ARB2A: variants seen among roughly 807,000 people sequenced by gnomAD.
ARB2A encodes the protein ARB2 cotranscriptional regulator A.
the ARB2A span, among the ~76,000 whole-genome samples, chr5:93,828,134 C>T: frequency 6.6e-6 from 1 of 152,050 alleles, no homozygotes; most frequent in Non-Finnish European, 1.5e-5. Context: ...TGAAGAAAGT[C>T]ATTGGTAGCT....
chr5:93,919,004 C>A, the ARB2A span, among the ~76,000 whole-genome samples: 2 of 152,240 alleles, frequency 1.3e-5, no homozygotes, highest in African/African-American at 4.8e-5. Flanking sequence ...TACAATCACC[C>A]GTAAAACATT....
chr5:93,909,028 A>G, the ARB2A span, among the ~76,000 whole-genome samples: 1 of 151,048 alleles, frequency 6.6e-6, no homozygotes, highest in Admixed American at 6.6e-5. Context: ...AAATAACAAA[A>G]GCTTTTTGAA....
chr5:93,718,159 C>T, the ARB2A span, among the ~76,000 whole-genome samples: 2 of 151,844 alleles, frequency 1.3e-5, no homozygotes, highest in African/African-American at 2.4e-5. Context: ...GAGTATGACT[C>T]GGCTGGGCGC....
At chr5:93,640,297 A>G in the ARB2A span, among the ~76,000 whole-genome samples, 1 of 150,612 alleles carries the variant, frequency 6.6e-6, no homozygotes, top group Non-Finnish European at 1.5e-5. Context: ...AAAAATACAA[A>G]AAGTAGCTGG....
chr5:94,041,474 T>G, the ARB2A span, among the ~76,000 whole-genome samples: 24 of 152,188 alleles, frequency 1.6e-4, no homozygotes, highest in African/African-American at 5.8e-4. Flanking sequence ...TATTTATATG[T>G]GTTGTGTGTG....
chr5:93,662,618 A>C, the ARB2A span, among the ~76,000 whole-genome samples: 1 of 152,200 alleles, frequency 6.6e-6, no homozygotes, highest in Admixed American at 6.5e-5. Flanking sequence ...ACCAATGTAC[A>C]AACAGAATTA....
At chr5:93,905,332 C>A in the ARB2A span, among the ~76,000 whole-genome samples, 1 of 151,558 alleles carries the variant, frequency 6.6e-6, no homozygotes, top group Non-Finnish European at 1.5e-5. Flanking sequence ...GATTCCCAGT[C>A]TCTATTAATT....
chr5:93,948,227 T>C, the ARB2A span, among the ~76,000 whole-genome samples: 23 of 152,230 alleles, frequency 1.5e-4, no homozygotes, highest in Non-Finnish European at 3.1e-4. Flanking sequence ...AGATGGTATC[T>C]CATTGTGGTT....
At chr5:93,843,280 T>C in the ARB2A span, among the ~76,000 whole-genome samples, 4 of 152,094 alleles carry the variant, frequency 2.6e-5, no homozygotes, top group Admixed American at 1.3e-4. Flanking sequence ...AAAATGCCTA[T>C]AAATACAAAA....
the ARB2A span, among the ~76,000 whole-genome samples, chr5:93,830,952 A>G: frequency 1.3e-5 from 2 of 152,168 alleles, no homozygotes; most frequent in South Asian, 2.1e-4. Context: ...AGAGACAGTG[A>G]CAGATCGTCA....
At chr5:93,674,051 G>A in the ARB2A span, among the ~76,000 whole-genome samples, 1 of 151,848 alleles carries the variant, frequency 6.6e-6, no homozygotes, top group African/African-American at 2.4e-5. Flanking sequence ...GAGTCTAATC[G>A]GAAACACTTA....
chr5:93,784,406 T>C, the ARB2A span: 1 of 1,613,372 alleles, frequency 6.2e-7, no homozygotes, highest in East Asian at 2.2e-5. Context: ...TCTCGAATCG[T>C]TTTGCCAGCT....
At chr5:93,726,373 A>G in the ARB2A span, among the ~76,000 whole-genome samples, 1 of 152,074 alleles carries the variant, frequency 6.6e-6, no homozygotes, top group South Asian at 2.1e-4. Flanking sequence ...CTGGCCAATC[A>G]CAGCCTGCCC....
chr5:94,071,493 A>G, the ARB2A span, among the ~76,000 whole-genome samples: 1 of 152,124 alleles, frequency 6.6e-6, no homozygotes, highest in Non-Finnish European at 1.5e-5. Flanking sequence ...CAAAGAATAT[A>G]TCCAATAGAG....
At chr5:94,016,289 T>A in the ARB2A span, among the ~76,000 whole-genome samples, 12 of 152,244 alleles carry the variant, frequency 7.9e-5, no homozygotes, top group Admixed American at 3.3e-4. Flanking sequence ...TATCTCATTT[T>A]GTGGATTGGT....
At chr5:93,750,898 A>C in the ARB2A span, among the ~76,000 whole-genome samples, 854 of 152,282 alleles carry the variant, frequency 5.6e-3, 7 homozygotes, top group African/African-American at 0.02. Flanking sequence ...AGTATTTCAT[A>C]TATATTAATA....
the ARB2A span, among the ~76,000 whole-genome samples, chr5:93,796,902 A>AT: frequency 6.6e-6 from 1 of 152,196 alleles, no homozygotes; most frequent in Non-Finnish European, 1.5e-5. Flanking sequence ...ACAAAACCAT[A>AT]TAAACATTGG....
the ARB2A span, chr5:93,881,655 C>T: frequency 1.3e-6 from 2 of 1,595,668 alleles, no homozygotes; most frequent in South Asian, 1.1e-5. Flanking sequence ...ATATAGTTTT[C>T]ATTGGGATTT....
chr5:93,623,278 A>C, the ARB2A span, among the ~76,000 whole-genome samples: 1 of 151,690 alleles, frequency 6.6e-6, no homozygotes, highest in African/African-American at 2.4e-5. Flanking sequence ...AAAGGTGTTA[A>C]TTGTCTCTTT....
Sources: allele counts gnomAD v4.1 joint callset (sites outside exome capture counted in the v4.1 genomes callset), GRCh38; gene constraint gnomAD v4.1.1; transcripts MANE v1.5; gene names NCBI Gene and HGNC (gene_info 2026-07-23, HGNC 2026-07-21).